PRR22: variants seen among roughly 807,000 people sequenced by gnomAD.
PRR22 encodes the protein proline-rich protein 22.
PRR22 carries 5 observed loss-of-function variants against 7.2 expected under a neutral mutation model. The ratio of observed to expected loss-of-function variants is 0.69; its 90% CI spans 0.36 to 1.45. The LOEUF (loss-of-function observed/expected upper bound fraction) is 1.45. Among genes scored for constraint, PRR22 ranks in the 40% most tolerant of loss-of-function variants. PRR22 has a pLI of 0.03. For missense variants in PRR22, 619 were observed against 568.8 expected (o/e 1.09, Z -0.90); for synonymous variants, 319 against 269.3 (o/e 1.18, Z -1.81).
Position 5,784,117 on chromosome 19 carries a change from G to T in PRR22, c.194-64C>A, listed in dbSNP as rs769172491. Reference sequence around the variant, plus strand: ...CCTGAGGGGCCCAGCCCAAGCCTGGGGGCCTGTTTGGGAGATGCCACAAGA... The same window carrying T: ...CCTGAGGGGCCCAGCCCAAGCCTGGTGGCCTGTTTGGGAGATGCCACAAGA... On this transcript the variant is annotated intron_variant, in intron 2 of 2. Coordinates refer to ENST00000419421, the MANE Select transcript of PRR22 (RefSeq NM_001134316.2). 4.8e-6 allele frequency: 7 copies of T among 1,459,678 alleles called. No individual in the cohort carries two copies. In the South Asian group the frequency reaches 8.0e-5, roughly 17 times the overall value. 90.4% of individuals were successfully genotyped at this position (1,459,678 alleles called of 1,614,324 possible). A position where few individuals can be genotyped will look rare whatever the true frequency, so the allele number is the denominator to read the frequency against.
In PRR22 at chr19:5,783,733, G is replaced by A. The variant is rs2056814271; in HGVS notation, c.514C>T (p.Pro172Ser). ...GGGCCTTCCTCTAGGGGCGGTAGGG[G>A]CAGCTCCACGAAGGCGGCGGGCCCT... ...DAGPAAFVEL[P>S]LPPLEEGPAP... is the part of the protein sequence containing the mutation. The change falls in exon 3 of 3, where the codon CCC becomes TCC. Residue 172 changes from proline (P) to serine (S), a missense_variant. Transcript: ENST00000419421. 1.3e-6 allele frequency: 2 copies of A among 1,503,198 alleles called. No homozygotes were observed. Among genetic ancestry groups the A allele is most frequent in the African/African-American group, 1.4e-5 (1 of 72,424 alleles). 93.1% of individuals were successfully genotyped at this position (1,503,198 alleles called of 1,614,324 possible).
Position 5,784,020 on chromosome 19 carries a change from T to C in PRR22, c.227A>G (p.Asp76Gly), listed in dbSNP as rs1367980090. The C allele has an allele frequency of 6.2e-7, 1 of 1,609,472 alleles. No homozygotes were observed. Among genetic ancestry groups the C allele is most frequent in the Non-Finnish European group, 8.5e-7 (1 of 1,178,518 alleles). ...FQMAPCGCFF[D>G]PRIYRIEWTT... Reference sequence around the variant, plus strand: ...CCACTCGATCCGATAGATGCGGGGGTCGAAGAAGCACCCGCATGGGGCCAT... The same window carrying C: ...CCACTCGATCCGATAGATGCGGGGGCCGAAGAAGCACCCGCATGGGGCCAT... The change falls in exon 3 of 3, where the codon GAC (aspartate) becomes GGC (glycine). Residue 76 changes from aspartate (D) to glycine (G), a missense_variant. Physicochemically the swap from Asp to Gly is moderately conservative, Grantham distance 94. Transcript: ENST00000419421.
chr19:5,784,651 G>A lies in PRR22; in HGVS notation c.10C>T (p.Pro4Ser). MQH[P>S]KPFCAPAAPQ... ...GCTGCAGGGGCACAGAACGGTTTGGGGTGCTGCATGGGGCAGCGGGGGGCC... is the reference window on the plus strand; with the variant it reads ...GCTGCAGGGGCACAGAACGGTTTGGAGTGCTGCATGGGGCAGCGGGGGGCC... The change falls in exon 1 of 3, where the codon CCC (proline) becomes TCC (serine). Residue 4 changes from proline to serine, a missense_variant. Coordinates refer to ENST00000419421, the MANE Select transcript of PRR22 (RefSeq NM_001134316.2). The A allele has an allele frequency of 6.5e-7, 1 of 1,534,362 alleles. No individual in the cohort carries two copies. Among genetic ancestry groups the A allele is most frequent in the Non-Finnish European group, 8.7e-7 (1 of 1,146,748 alleles).
At position 5,784,535 on chromosome 19, in the gene PRR22, A is replaced by G. The variant is rs889181526; in HGVS notation, c.126T>C (p.Ala42=). The change falls in exon 1 of 3, where the codon GCT becomes GCC. Residue 42 remains alanine (A), a synonymous_variant. Transcript: ENST00000419421. ...PAPTCAEPPP[A]MGSLNLYHPP... ...CTCCCACCCACCCGATCGTACCCAT[A>G]GCGGGAGGAGGCTCGGCACAGGTGG... 2 of 1,549,954 alleles carry G rather than the reference A, an allele frequency of 1.3e-6. No homozygotes were observed. Among genetic ancestry groups the G allele is most frequent in the Non-Finnish European group, 1.7e-6 (2 of 1,146,908 alleles).
rs1170020122 is a variant in PRR22, at chr19:5,783,675, T to G, written c.572A>C (p.Asn191Thr). Residue 191 changes from asparagine to threonine, a missense_variant, in exon 3 of 3, where the codon AAC (asparagine) becomes ACC (threonine). Transcript: ENST00000419421. ...APLPPPPPKE[N>T]KPPPVLITLP... ...CGTGATGAGTACAGGGGGCGGCTTG[T>G]TCTCCTTGGGGGGTGGGGGTGGCAG... The G allele has an allele frequency of 4.7e-6, 6 of 1,290,322 alleles. No individual in the cohort carries two copies. Among genetic ancestry groups the G allele is most frequent in the Non-Finnish European group, 6.3e-6 (6 of 956,930 alleles). 79.9% of individuals were successfully genotyped at this position (1,290,322 alleles called of 1,614,324 possible).
Position 5,783,336 on chromosome 19 carries a change from C to T in PRR22, c.911G>A (p.Gly304Asp). ...CGGCCCAGGGACCTCGCACAGGGTA[C>T]CCTCAGGCTCAGAGGCGCCTGGCAG... Reference protein sequence around the residue: ...DCLPGASEPEGTLCEVPGPAL... With the variant: ...DCLPGASEPEDTLCEVPGPAL... Residue 304 changes from glycine (G) to aspartate (D), a missense_variant, in exon 3 of 3, where the codon GGT becomes GAT. By Grantham distance (94) the Gly-to-Asp change is moderately conservative. Transcript: ENST00000419421. 6.2e-7 allele frequency: 1 copy of T among 1,612,722 alleles called. No homozygotes were observed. Among genetic ancestry groups the T allele is most frequent in the South Asian group, 1.1e-5 (1 of 91,080 alleles).
rs776954111 is a variant in PRR22, at chr19:5,784,242, TG to T, written c.193+134del. On this transcript the variant is annotated intron_variant, in intron 2 of 2. Coordinates refer to ENST00000419421, the MANE Select transcript of PRR22 (RefSeq NM_001134316.2). ...ACAGAGCTTGTCTTTGGGGCTCATC[TG>T]GGGGACCTGTGTGAAGCATGGGGAG... 16 of 1,111,924 alleles carry T rather than the reference TG, an allele frequency of 1.4e-5. No homozygotes were observed. In the South Asian group the frequency reaches 1.9e-4, roughly 13 times the overall value. 68.9% of individuals were successfully genotyped at this position (1,111,924 alleles called of 1,614,324 possible).
rs1407012511 is a variant in PRR22 at position 5,783,797 on chromosome 19, C to T, written c.450G>A (p.Glu150=). The change falls in exon 3 of 3, where the codon GAG becomes GAA. Residue 150 remains glutamate, a synonymous_variant. Transcript: ENST00000419421. ...PQFLLPYFPP[E]GPGPEALGFV... ...AACCCAGAGCCTCTGGCCCGGGGCC[C>T]TCAGGCGGGAAGTAGGGCAAGAGAA... 2 of 1,501,028 alleles carry T rather than the reference C, an allele frequency of 1.3e-6. No homozygotes were observed. The highest frequency in any genetic ancestry group is 2.4e-5 in the Admixed American group (1 of 42,538). 93.0% of individuals were successfully genotyped at this position (1,501,028 alleles called of 1,614,324 possible). A position where few individuals can be genotyped will look rare whatever the true frequency, so the allele number is the denominator to read the frequency against.
rs369298106 is a variant in PRR22 at position 5,783,330 on chromosome 19, A to G, written c.917T>C (p.Leu306Pro). The change falls in exon 3 of 3, where the codon CTG (leucine) becomes CCG (proline). Residue 306 changes from leucine to proline, a missense_variant. By Grantham distance (98) the Leu-to-Pro change is moderately conservative. Transcript: ENST00000419421. ...LPGASEPEGT[L>P]CEVPGPALPD... The stretch of plus-strand genomic sequence containing the variant: ...CAGGGCCGGCCCAGGGACCTCGCAC[A>G]GGGTACCCTCAGGCTCAGAGGCGCC... 56 of 1,612,584 alleles carry G rather than the reference A, an allele frequency of 3.5e-5. No individual in the cohort carries two copies. Among genetic ancestry groups the G allele is most frequent in the Non-Finnish European group, 4.4e-5 (52 of 1,179,924 alleles).
Position 5,783,470 on chromosome 19 carries a change from C to A in PRR22, c.777G>T (p.Lys259Asn), listed in dbSNP as rs1456921903. ...GLSELKVAEV[K>N]EGALLGAGKA... is the part of the protein sequence containing the mutation. ...TGCCTGCTCCCAGCAGGGCCCCCTC[C>A]TTGACCTCGGCCACCTTGAGCTCGC... is the stretch of plus-strand genomic sequence containing the variant. The change falls in exon 3 of 3, where the codon AAG becomes AAT. Residue 259 changes from lysine (K) to asparagine (N), a missense_variant. Transcript: ENST00000419421. 6.2e-7 allele frequency: 1 copy of A among 1,606,610 alleles called. No individual in the cohort carries two copies. Among genetic ancestry groups the A allele is most frequent in the Non-Finnish European group, 8.5e-7 (1 of 1,176,702 alleles).
Position 5,783,007 on chromosome 19 carries a change from T to C in PRR22, c.1240A>G (p.Arg414Gly). The C allele has an allele frequency of 6.5e-7, 1 of 1,538,182 alleles. No individual in the cohort carries two copies. Among genetic ancestry groups the C allele is most frequent in the Non-Finnish European group, 8.7e-7 (1 of 1,145,824 alleles). Residue 414 changes from arginine (R) to glycine (G), a missense_variant, in exon 3 of 3, where the codon AGG (arginine) becomes GGG (glycine). Coordinates refer to ENST00000419421, the MANE Select transcript of PRR22 (RefSeq NM_001134316.2). Reference protein sequence around the residue: ...GPASATPPGPREDLGATPH With the variant: ...GPASATPPGPGEDLGATPH ...TGCGGGGTGGCTCCCAGGTCCTCCC[T>C]GGGCCCCGGGGGAGTGGCGCTGGCT...
At position 5,783,226 on chromosome 19, in the gene PRR22, T is replaced by C. The variant is rs375770525; in HGVS notation, c.1021A>G (p.Ser341Gly). Reference sequence around the variant, plus strand: ...ACGGTGTCCAGGATCTCAGGCACGCTGTAGTCAAAGGACAGCAGCTCCTCG... The same window carrying C: ...ACGGTGTCCAGGATCTCAGGCACGCCGTAGTCAAAGGACAGCAGCTCCTCG... ...LPEELLSFDY[S>G]VPEILDTVSN... The change falls in exon 3 of 3, where the codon AGC (serine) becomes GGC (glycine). Residue 341 changes from serine to glycine, a missense_variant. By Grantham distance (56) the Ser-to-Gly change is moderately conservative. Coordinates refer to ENST00000419421, the MANE Select transcript of PRR22 (RefSeq NM_001134316.2). 6.2e-7 allele frequency: 1 copy of C among 1,612,630 alleles called. No homozygotes were observed.
chr19:5,784,480 G>T, intron 1 of PRR22, 41 bp from the exon 2 acceptor site: 1 of 1,550,402 alleles, frequency 6.4e-7, no homozygotes, highest in Non-Finnish European at 8.7e-7. Flanking sequence ...CCCTTAGGCG[G>T]GTGGGCCCCT....
rs1320578004 is a variant in PRR22, at chr19:5,783,407, C to A, written c.840G>T (p.Leu280=). The change falls in exon 3 of 3, where the codon CTG becomes CTT. Residue 280 remains leucine, a synonymous_variant. Coordinates refer to ENST00000419421, the MANE Select transcript of PRR22 (RefSeq NM_001134316.2). ...CGTCCTCCAGCAGAACCTTGTCAGG[C>A]AGTGCCAAAGCTCTGGCCGTCTTGG... is the stretch of plus-strand genomic sequence containing the variant. ...KAPKTARALA[L]PDKVLLEDAM... The A allele has an allele frequency of 6.2e-7, 1 of 1,612,566 alleles. No homozygotes were observed. The highest frequency in any genetic ancestry group is 8.5e-7 in the Non-Finnish European group (1 of 1,179,900).
intron 2 of PRR22, 91 bp downstream of exon 2, chr19:5,784,286 G>T: frequency 7.2e-7 from 1 of 1,383,216 alleles, no homozygotes; most frequent in Non-Finnish European, 1.0e-6. Context: ...CATGCCTTCA[G>T]GCTCCCACTT....
chr19:5,783,864 G>C lies in PRR22; in HGVS notation c.383C>G (p.Pro128Arg), dbSNP rs762478514. ...PQPYLKAPGL[P>R]PYPHYQQAPG... ...TGCCTGCTGGTAGTGGGGGTATGGA[G>C]GCAGCCCCGGGGCCTTGAGGTAGGG... The change falls in exon 3 of 3, where the codon CCT becomes CGT. Residue 128 changes from proline (P) to arginine (R), a missense_variant. Pro to Arg is a moderately radical substitution (Grantham distance 103). Coordinates refer to ENST00000419421, the MANE Select transcript of PRR22 (RefSeq NM_001134316.2). 6.4e-7 allele frequency: 1 copy of C among 1,566,368 alleles called. No individual in the cohort carries two copies. Among genetic ancestry groups the C allele is most frequent in the Non-Finnish European group, 8.6e-7 (1 of 1,156,146 alleles).
intron 2 of PRR22, 47 bp from the exon 3 acceptor site, chr19:5,784,100 G>C (rs1207330734): frequency 6.4e-7 from 1 of 1,557,226 alleles, no homozygotes. Flanking sequence ...TGCCTGAGGG[G>C]CCCAGCCCAA....
rs765457649 is a variant in PRR22, at chr19:5,784,249, C to G, written c.193+128G>C. Reference sequence around the variant, plus strand: ...TTGTCTTTGGGGCTCATCTGGGGGACCTGTGTGAAGCATGGGGAGCAGAGG... The same window carrying G: ...TTGTCTTTGGGGCTCATCTGGGGGAGCTGTGTGAAGCATGGGGAGCAGAGG... On this transcript the variant is annotated intron_variant, in intron 2 of 2. Transcript: ENST00000419421. The G allele has an allele frequency of 4.4e-6, 5 of 1,137,008 alleles. No individual in the cohort carries two copies. In the South Asian group the frequency reaches 6.4e-5, roughly 14 times the overall value. The allele number at this position is 1,137,008 out of a possible 1,614,324, so 70.4% of individuals were successfully genotyped here. A position where few individuals can be genotyped will look rare whatever the true frequency, so the allele number is the denominator to read the frequency against.
intron 2 of PRR22, 41 bp downstream of exon 2, chr19:5,784,336 C>T (rs1274248700): frequency 1.9e-6 from 3 of 1,597,898 alleles, no homozygotes; most frequent in Non-Finnish European, 1.7e-6. Context: ...CACACTCAAA[C>T]CCACTCCCAG....
Sources: allele counts gnomAD v4.1 joint callset, GRCh38; gene constraint gnomAD v4.1.1; transcripts MANE v1.5; gene names NCBI Gene and HGNC (gene_info 2026-07-23, HGNC 2026-07-21).